SAMD12: variants seen among roughly 807,000 people sequenced by gnomAD.
SAMD12 encodes the protein sterile alpha motif domain-containing protein 12.
Under a neutral mutation model 15.0 loss-of-function variants are expected in SAMD12, and 9 were observed. That is an observed-to-expected ratio of 0.60 (90% CI 0.36 to 1.05). SAMD12 has a LOEUF of 1.05. Ranked by LOEUF, SAMD12 falls within the 50% of genes least tolerant of loss-of-function variation. The probability of loss-of-function intolerance (pLI) is 0.01; values close to 1 mark genes in which losing one functional copy is unlikely to be tolerated. For synonymous variants in SAMD12, 86 were observed against 90.1 expected (o/e 0.96, Z 0.25); for missense variants, 230 against 234.2 (o/e 0.98, Z 0.12).
chr8:118,188,761 T>C (rs964220864), downstream of SAMD12, among the ~76,000 whole-genome samples: 1 of 150,610 alleles, frequency 6.6e-6, no homozygotes, highest in Admixed American at 6.6e-5. Context: ...TGGTGTATCA[T>C]ATTATTCAGG....
intron 4 of SAMD12, among the ~76,000 whole-genome samples, chr8:118,234,217 A>G (rs1321725195): frequency 6.6e-6 from 1 of 151,866 alleles, no homozygotes; most frequent in Non-Finnish European, 1.5e-5. Context: ...ACTCTTTCTC[A>G]TTTGTCAGTC....
At chr8:118,302,356 C>T (rs950511560) in intron 4 of SAMD12, among the ~76,000 whole-genome samples, 3 of 152,076 alleles carry the variant, frequency 2.0e-5, no homozygotes, top group Non-Finnish European at 2.9e-5. Flanking sequence ...TGAGTATGTA[C>T]TGTGTGACAT....
chr8:118,186,087 G>C (rs1211154912), downstream of SAMD12, among the ~76,000 whole-genome samples: 2 of 152,160 alleles, frequency 1.3e-5, no homozygotes, highest in East Asian at 3.8e-4. Flanking sequence ...TTGAACAAAT[G>C]TGTATGATTA....
At chr8:118,326,223 T>C (rs953745939) in intron 4 of SAMD12, among the ~76,000 whole-genome samples, 2 of 152,134 alleles carry the variant, frequency 1.3e-5, no homozygotes, top group African/African-American at 2.4e-5. Context: ...TTGCAGGGAT[T>C]GAAAATGCAA....
chr8:118,514,490 C>T (rs74951753), intron 2 of SAMD12, among the ~76,000 whole-genome samples: 3,567 of 152,266 alleles, frequency 0.023, 114 homozygotes, highest in African/African-American at 0.076. Flanking sequence ...TCTTCACTGC[C>T]ACAGGATGAG....
exon 5 of SAMD12, chr8:118,193,503 G>C (rs972412874): frequency 4.6e-5 from 7 of 152,176 alleles, no homozygotes; most frequent in Admixed American, 4.6e-4. Flanking sequence ...AGAGTCCTTA[G>C]TGGTGCCTGG....
At chr8:118,140,913 C>T in the SAMD12 span, among the ~76,000 whole-genome samples, 1 of 152,224 alleles carries the variant, frequency 6.6e-6, no homozygotes, top group Non-Finnish European at 1.5e-5. Flanking sequence ...GAGCCTACCC[C>T]TGTCCCATGG....
chr8:118,157,295 C>A, the SAMD12 span, among the ~76,000 whole-genome samples: 2 of 151,774 alleles, frequency 1.3e-5, no homozygotes, highest in African/African-American at 4.8e-5. Flanking sequence ...TGGCTCTCTG[C>A]GGGTAACTTA....
chr8:118,618,920 G>C (rs1170215318), intron 1 of SAMD12, among the ~76,000 whole-genome samples: 1 of 151,564 alleles, frequency 6.6e-6, no homozygotes. Context: ...GGAGACTAAA[G>C]CTTAGAATGT....
chr8:118,440,681 CACACACACACACACAA>C (rs1228393477), intron 2 of SAMD12, among the ~76,000 whole-genome samples: 12 of 148,728 alleles, frequency 8.1e-5, no homozygotes, highest in African/African-American at 2.5e-4. Flanking sequence ...CACACACACA[CACACACACACACACAA>C]ACACACACAC....
At chr8:118,203,794 A>G (rs1413882297) in intron 4 of SAMD12, among the ~76,000 whole-genome samples, 3 of 129,756 alleles carry the variant, frequency 2.3e-5, no homozygotes, top group Admixed American at 9.6e-5. Flanking sequence ...AAGTGTTCTC[A>G]TTGTTCAATT....
chr8:118,287,698 T>A (rs1814127458), intron 4 of SAMD12, among the ~76,000 whole-genome samples: 1 of 152,176 alleles, frequency 6.6e-6, no homozygotes, highest in South Asian at 2.1e-4. Context: ...AGGAGGCTCA[T>A]CTCGAGGGTT....
chr8:118,143,767 A>T, the SAMD12 span, among the ~76,000 whole-genome samples: 1 of 152,230 alleles, frequency 6.6e-6, no homozygotes, highest in African/African-American at 2.4e-5. Context: ...ATGAGACAAT[A>T]TCCTAACATG....
chr8:118,271,884 C>G (rs936224896), intron 4 of SAMD12, among the ~76,000 whole-genome samples: 1 of 152,218 alleles, frequency 6.6e-6, no homozygotes, highest in Non-Finnish European at 1.5e-5. Context: ...TACAGCCCCC[C>G]ACTTCCTGGC....
the SAMD12 span, among the ~76,000 whole-genome samples, chr8:118,161,032 G>A: frequency 6.6e-6 from 1 of 152,250 alleles, no homozygotes; most frequent in South Asian, 2.1e-4. Context: ...CTATGAGTGA[G>A]AACATGCGGT....
chr8:118,390,456 T>C (rs931609728), intron 3 of SAMD12, among the ~76,000 whole-genome samples: 1 of 152,164 alleles, frequency 6.6e-6, no homozygotes, highest in African/African-American at 2.4e-5. Flanking sequence ...CTATTCTAAA[T>C]CAATAGCCAA....
intron 2 of SAMD12, among the ~76,000 whole-genome samples, chr8:118,448,093 C>T (rs891913962): frequency 6.6e-6 from 1 of 152,186 alleles, no homozygotes; most frequent in African/African-American, 2.4e-5. Flanking sequence ...AGTCTTCTTC[C>T]TATTGCTCAA....
rs150234682 is a variant in SAMD12, at chr8:118,441,544, T to C, written c.193-1583A>G. Among the ~76,000 whole-genome samples, 443 of 152,288 alleles carry C rather than the reference T, an allele frequency of 2.9e-3. 1 individual carries two copies. Among genetic ancestry groups the C allele is most frequent in the Admixed American group, 5.2e-3 (79 of 15,304 alleles). On this transcript the variant is annotated intron_variant, in intron 2 of 3. Coordinates refer to ENST00000314727, the MANE Select transcript of SAMD12 (RefSeq NM_207506.3). The stretch of plus-strand genomic sequence containing the variant: ...ACAATGCTGATCACTTTTTATTTTG[T>C]ACTGTGATATTTTTCTTTTATTAAT...
chr8:118,604,357 C>T (rs1054532533), intron 1 of SAMD12, among the ~76,000 whole-genome samples: 2 of 152,010 alleles, frequency 1.3e-5, no homozygotes, highest in Non-Finnish European at 2.9e-5. Context: ...GTTTTATTGC[C>T]TAAAATCAGA....
Sources: allele counts gnomAD v4.1 joint callset (sites outside exome capture counted in the v4.1 genomes callset), GRCh38; gene constraint gnomAD v4.1.1; transcripts MANE v1.5; gene names NCBI Gene and HGNC (gene_info 2026-07-23, HGNC 2026-07-21).